The following PHACTR1 variants were observed in gnomAD, a reference collection of about 807,000 sequenced individuals.
The protein encoded by PHACTR1 is RPEL repeat containing 1.
Under a neutral mutation model 69.2 loss-of-function variants are expected in PHACTR1, and 16 were observed. The ratio of observed to expected loss-of-function variants is 0.23; its 90% CI spans 0.16 to 0.35. The LOEUF is 0.35. Ranked by LOEUF, PHACTR1 falls within the 10% of genes least tolerant of loss-of-function variation. The pLI, the probability that PHACTR1 is intolerant of heterozygous loss-of-function variation, is 1.00. For synonymous variants in PHACTR1, 312 were observed against 284.5 expected (o/e 1.10, Z -0.97); for missense variants, 510 against 734.7 (o/e 0.69, Z 3.54).
intron 7 of PHACTR1, among the ~76,000 whole-genome samples, chr6:13,198,555 A>C (rs1042002460): frequency 1.3e-5 from 2 of 151,944 alleles, no homozygotes; most frequent in African/African-American, 2.4e-5. Flanking sequence ...CCTGGCCCAC[A>C]TTGGAAGAAG....
rs764296741 is a variant in PHACTR1 at position 13,283,628 on chromosome 6, G to A, written c.1650+66G>A. On this transcript the variant is annotated intron_variant, in intron 13 of 14. Coordinates refer to ENST00000332995, the MANE Select transcript of PHACTR1 (RefSeq NM_030948.6). This position sits in a 1 kb window ranked among gnomAD's most constrained non-coding sequence, Gnocchi z 4.7. Reference sequence around the variant, plus strand: ...TCTGCTGGGTCTCGCTGGGCTCACCGCTGGGGAGCGTGTAGGGAGACCTGC... The same window carrying A: ...TCTGCTGGGTCTCGCTGGGCTCACCACTGGGGAGCGTGTAGGGAGACCTGC... 1.2e-5 allele frequency: 19 copies of A among 1,608,040 alleles called. No individual in the cohort carries two copies. The African/African-American group carries it at 1.2e-4, about 10-fold the overall frequency.
At chr6:12,769,456 A>G (rs557748781) in intron 4 of PHACTR1, among the ~76,000 whole-genome samples, 1 of 152,372 alleles carries the variant, frequency 6.6e-6, no homozygotes, top group African/African-American at 2.4e-5. Context: ...TACAGAGTCT[A>G]GCCCACTGGG....
chr6:13,148,797 T>C (rs538380175), intron 5 of PHACTR1, among the ~76,000 whole-genome samples: 6 of 152,358 alleles, frequency 3.9e-5, no homozygotes, highest in South Asian at 4.1e-4. Context: ...CTTGAGGAGA[T>C]ACTCTGTAGT....
intron 4 of PHACTR1, among the ~76,000 whole-genome samples, chr6:12,880,832 G>A (rs1783017573): frequency 1.3e-5 from 2 of 151,734 alleles, no homozygotes; most frequent in Admixed American, 1.3e-4. Context: ...TCATTGATTG[G>A]CAGGGTCAGA....
At chr6:12,820,783 C>A (rs1234633930) in intron 4 of PHACTR1, among the ~76,000 whole-genome samples, 1 of 152,124 alleles carries the variant, frequency 6.6e-6, no homozygotes, top group African/African-American at 2.4e-5. Context: ...TTCAAGTGTA[C>A]CTCTTCTGAT....
chr6:12,751,015 G>A (rs927994995), intron 4 of PHACTR1, among the ~76,000 whole-genome samples: 13 of 152,206 alleles, frequency 8.5e-5, no homozygotes, highest in African/African-American at 3.1e-4. Flanking sequence ...CGCGTGCATG[G>A]TGCATGTGTT....
intron 4 of PHACTR1, among the ~76,000 whole-genome samples, chr6:12,798,955 A>G (rs1773401668): frequency 6.6e-6 from 1 of 152,204 alleles, no homozygotes; most frequent in Non-Finnish European, 1.5e-5. Flanking sequence ...TGCACCCAAA[A>G]GTATATTAAG....
intron 4 of PHACTR1, among the ~76,000 whole-genome samples, chr6:12,962,908 C>T (rs1432961594): frequency 2.6e-5 from 4 of 152,174 alleles, no homozygotes; most frequent in Non-Finnish European, 5.9e-5. Context: ...CAGTCCCCAG[C>T]TCTCCCTGTC....
chr6:13,040,536 A>G (rs986218864), intron 4 of PHACTR1, among the ~76,000 whole-genome samples: 10 of 152,236 alleles, frequency 6.6e-5, no homozygotes, highest in African/African-American at 2.4e-4. Context: ...GAAAATTCCC[A>G]CTGAGATCTG....
At chr6:12,850,302 A>G (rs9395172) in intron 4 of PHACTR1, among the ~76,000 whole-genome samples, 76,735 of 152,102 alleles carry the variant, frequency 0.5, 21,304 homozygotes, top group East Asian at 0.81. Flanking sequence ...TACATTCACC[A>G]CAGATACTGC....
intron 4 of PHACTR1, among the ~76,000 whole-genome samples, chr6:12,973,591 A>T (rs1218995005): frequency 6.6e-6 from 1 of 152,168 alleles, no homozygotes; most frequent in Non-Finnish European, 1.5e-5. Context: ...AGACAAATAT[A>T]AGCTTCATAA....
rs531104805 is a variant in PHACTR1 at position 13,117,784 on chromosome 6, C to T, written c.416-42420C>T. 1.6e-3 allele frequency among the ~76,000 whole-genome samples: 248 copies of T among 152,304 alleles called. 2 individuals are homozygous for T. The highest frequency in any genetic ancestry group is 3.4e-3 in the Middle Eastern group (1 of 294). ...TTCATCAGTGAGAGTAGCGCCATAT[C>T]CATCCATCATCCCCTGGCGATTGTA... On this transcript the variant is annotated intron_variant, in intron 5 of 14. Coordinates refer to ENST00000332995, the MANE Select transcript of PHACTR1 (RefSeq NM_030948.6).
intron 4 of PHACTR1, among the ~76,000 whole-genome samples, chr6:12,963,842 A>T (rs1302038928): frequency 6.6e-6 from 1 of 152,218 alleles, no homozygotes; most frequent in East Asian, 1.9e-4. Flanking sequence ...AGACCCTGTG[A>T]TGTAATTCAG....
rs1032482403 is a variant in PHACTR1 at position 13,182,569 on chromosome 6, T to C, written c.547T>C (p.Ser183Pro). ...NEEDSLENGQ[S>P]LSSSQLSLPA... is the part of the protein sequence containing the mutation. ...AGAGGACTCCCTAGAAAATGGGCAGTCCCTGAGCTCCAGCCAGCTGTCTCT... is the reference window on the plus strand; with the variant it reads ...AGAGGACTCCCTAGAAAATGGGCAGCCCCTGAGCTCCAGCCAGCTGTCTCT... Residue 183 changes from serine to proline, a missense_variant, in exon 7 of 15, where the codon TCC becomes CCC. Around this residue, in one of 2 missense-constraint regions of PHACTR1, gnomAD observed 419 missense variants for 530.9 expected, o/e 0.79. Transcript: ENST00000332995. 3 of 1,613,804 alleles carry C rather than the reference T, an allele frequency of 1.9e-6. No individual in the cohort carries two copies. The highest frequency in any genetic ancestry group is 2.5e-6 in the Non-Finnish European group (3 of 1,179,776).
chr6:13,061,678 C>T (rs1003024335), intron 5 of PHACTR1, among the ~76,000 whole-genome samples: 1 of 152,142 alleles, frequency 6.6e-6, no homozygotes, highest in Non-Finnish European at 1.5e-5. Context: ...AGACTAACAA[C>T]TATATATCTT....
At chr6:13,032,816 C>T (rs1295360803) in intron 4 of PHACTR1, among the ~76,000 whole-genome samples, 2 of 152,040 alleles carry the variant, frequency 1.3e-5, no homozygotes, top group African/African-American at 2.4e-5. Flanking sequence ...ACCATGTTAC[C>T]CAGGTTGGTC....
rs1056778371 is a variant in PHACTR1, at chr6:12,912,055, T to C, written c.251-141310T>C. On this transcript the variant is annotated intron_variant, in intron 4 of 14. Transcript: ENST00000332995. ...CTCTGTCACCCAGGCTGGAGTGCAG[T>C]GGTGAGATCTCGGCTCACTGCAACC... Among the ~76,000 whole-genome samples, 6 of 152,238 alleles carry C rather than the reference T, an allele frequency of 3.9e-5. No individual in the cohort carries two copies. The East Asian group carries it at 1.2e-3, about 29-fold the overall frequency.
intron 8 of PHACTR1, among the ~76,000 whole-genome samples, chr6:13,219,180 G>A (rs1768207522): frequency 6.6e-6 from 1 of 152,166 alleles, no homozygotes; most frequent in Non-Finnish European, 1.5e-5. Flanking sequence ...TTCCTCTCAA[G>A]CTTTCCAAAT....
chr6:12,933,537 A>G lies in PHACTR1; in HGVS notation c.251-119828A>G. ...ATCGGTTAGAACTGATGACTATTTA[A>G]TATAATGGATCTCGCCAGGGTGATT... On this transcript the variant is annotated intron_variant, in intron 4 of 14. Transcript: ENST00000332995. 1.1e-5 allele frequency: 17 copies of G among 1,546,920 alleles called. No individual in the cohort carries two copies. The South Asian group carries it at 1.9e-4, about 17-fold the overall frequency.
Sources: gnomAD v4.1 joint callset for allele counts (sites outside exome capture counted in the v4.1 genomes callset) on GRCh38, gnomAD v4.1.1 for gene constraint, gnomAD v4.1.1 regional missense constraint, Gnocchi (gnomAD v3.1) non-coding constraint, MANE v1.5 for transcripts, NCBI Gene and HGNC (gene_info 2026-07-23, HGNC 2026-07-21) for gene names.